The following NRXN1 variants were observed in gnomAD, a reference collection of about 807,000 sequenced individuals.
NRXN1 encodes the protein neurexin 1, also known as neurexin-1.
In NRXN1, 39 loss-of-function variants were observed where a neutral mutation model predicts 150.9. That is an observed-to-expected ratio of 0.26 (90% CI 0.20 to 0.34). The LOEUF is 0.34. NRXN1 is among the 10% of genes least tolerant of loss of function. NRXN1 has a pLI of 1.00. For synonymous variants in NRXN1, 924 were observed against 757.0 expected, an observed-to-expected ratio of 1.22 and a Z score of -3.62; for missense variants, 1,815 against 1,949.9, an observed-to-expected ratio of 0.93 and a Z score of 1.30.
intron 21 of NRXN1, 124 bp from the exon 22 acceptor site, chr2:49,943,915 T>C: frequency 1.3e-6 from 1 of 752,972 alleles, no homozygotes. Context: ...TTTCCCTTTC[T>C]AAAGACACAG....
intron 5 of NRXN1, among the ~76,000 whole-genome samples, chr2:50,739,726 T>C (rs1043540841): frequency 3.9e-5 from 6 of 152,200 alleles, no homozygotes; most frequent in Admixed American, 3.3e-4. Context: ...TTGTCTTCAT[T>C]ATTTTATAGG....
chr2:50,805,823 T>C (rs953771403), intron 5 of NRXN1, among the ~76,000 whole-genome samples: 2 of 152,188 alleles, frequency 1.3e-5, no homozygotes, highest in Admixed American at 6.5e-5. Context: ...TATAATCCCC[T>C]GATAGCTGGC....
chr2:50,654,354 T>C (rs1254820047), intron 5 of NRXN1, among the ~76,000 whole-genome samples: 5 of 152,006 alleles, frequency 3.3e-5, no homozygotes, highest in African/African-American at 4.8e-5. Flanking sequence ...ACAAAGGACA[T>C]GAAATCATCA....
chr2:50,717,286 G>T (rs1695988109), intron 5 of NRXN1, among the ~76,000 whole-genome samples: 2 of 151,832 alleles, frequency 1.3e-5, no homozygotes, highest in Admixed American at 1.3e-4. Flanking sequence ...ATTATCAAGG[G>T]AGGACTCAGA....
At chr2:50,449,163 A>G (rs527535640) in intron 17 of NRXN1, among the ~76,000 whole-genome samples, 1 of 152,308 alleles carries the variant, frequency 6.6e-6, no homozygotes, top group Admixed American at 6.5e-5. Context: ...TAGACGCAGG[A>G]ATGCAGGAAT....
chr2:50,600,016 C>T lies in NRXN1; in HGVS notation c.1320+20006G>A, dbSNP rs966411676. Among the ~76,000 whole-genome samples, 8 of 151,938 alleles carry T rather than the reference C, an allele frequency of 5.3e-5. No individual in the cohort carries two copies. In the South Asian group the frequency reaches 1.2e-3, roughly 24 times the overall value. On this transcript the variant is annotated intron_variant, in intron 8 of 22. Coordinates refer to ENST00000401669, the MANE Select transcript of NRXN1 (RefSeq NM_001330078.2). ...AGAAATTAATTATATATTAAACTAC[C>T]CAGAGTTCTAGATAAAATTAGGAAC...
In NRXN1 at chr2:50,295,227, G is replaced by T. The variant is rs550892123; in HGVS notation, c.3365-58257C>A. ...GAAACTTAAGTTTCAGTAAACTTTG[G>T]GTCAGCACTACAAAGAACATCTTTA... On this transcript the variant is annotated intron_variant, in intron 17 of 22. Transcript: ENST00000401669. 2.6e-5 allele frequency among the ~76,000 whole-genome samples: 4 copies of T among 152,138 alleles called. No homozygotes were observed. In the East Asian group the frequency reaches 7.7e-4, roughly 29 times the overall value.
At chr2:50,667,310 G>C (rs1234379151) in intron 5 of NRXN1, among the ~76,000 whole-genome samples, 1 of 151,880 alleles carries the variant, frequency 6.6e-6, no homozygotes, top group Non-Finnish European at 1.5e-5. Context: ...TAAAATAATA[G>C]AGGGCTTCTT....
intron 17 of NRXN1, among the ~76,000 whole-genome samples, chr2:50,394,190 G>C (rs2081917826): frequency 6.6e-6 from 1 of 151,798 alleles, no homozygotes; most frequent in Non-Finnish European, 1.5e-5. Flanking sequence ...ATTTCATCTT[G>C]TCCTGCGACT....
intron 16 of NRXN1, among the ~76,000 whole-genome samples, chr2:50,469,633 A>G (rs2089269124): frequency 6.6e-6 from 1 of 151,420 alleles, no homozygotes; most frequent in Admixed American, 6.6e-5. Flanking sequence ...CTGTACCTGT[A>G]ACAGGTAAAT....
At chr2:50,525,247 T>C (rs774626375) in intron 12 of NRXN1, among the ~76,000 whole-genome samples, 4 of 152,240 alleles carry the variant, frequency 2.6e-5, no homozygotes, top group Non-Finnish European at 5.9e-5. Flanking sequence ...CAATGATTTG[T>C]TAATATTTAG....
intron 21 of NRXN1, among the ~76,000 whole-genome samples, chr2:49,955,762 C>T (rs1047518367): frequency 6.6e-6 from 1 of 151,988 alleles, no homozygotes; most frequent in Non-Finnish European, 1.5e-5. Flanking sequence ...AATCTAACTA[C>T]AGGATGAAAG....
At chr2:50,156,753 C>A (rs2059045352) in intron 18 of NRXN1, among the ~76,000 whole-genome samples, 1 of 151,862 alleles carries the variant, frequency 6.6e-6, no homozygotes, top group Admixed American at 6.6e-5. Context: ...AAATCCTACC[C>A]TTTTCCTAAA....
chr2:50,555,629 T>C (rs1573530257), intron 8 of NRXN1, among the ~76,000 whole-genome samples: 1 of 152,204 alleles, frequency 6.6e-6, no homozygotes, highest in South Asian at 2.1e-4. Context: ...GCTCAATAAA[T>C]ATTTGTTTAT....
intron 17 of NRXN1, among the ~76,000 whole-genome samples, chr2:50,393,626 C>T (rs887517884): frequency 1.3e-5 from 2 of 152,072 alleles, no homozygotes; most frequent in African/African-American, 4.8e-5. Context: ...TTTATCATAA[C>T]AACTTCATTT....
At chr2:50,879,570 T>C (rs1679120181) in intron 5 of NRXN1, among the ~76,000 whole-genome samples, 1 of 151,864 alleles carries the variant, frequency 6.6e-6, no homozygotes, top group Admixed American at 6.6e-5. Context: ...GATGATGTAA[T>C]AGGTAGCACA....
chr2:50,443,825 A>G (rs373143523), intron 17 of NRXN1, among the ~76,000 whole-genome samples: 1 of 152,190 alleles, frequency 6.6e-6, no homozygotes, highest in Non-Finnish European at 1.5e-5. Flanking sequence ...CAGACTTTCA[A>G]TATACACTTT....
chr2:50,868,650 A>G (rs962138887), intron 5 of NRXN1, among the ~76,000 whole-genome samples: 5 of 151,894 alleles, frequency 3.3e-5, no homozygotes, highest in Admixed American at 6.6e-5. Flanking sequence ...TTGTTAAAGA[A>G]TTAAAATTAT....
At chr2:50,071,513 C>T (rs1696292742) in intron 19 of NRXN1, among the ~76,000 whole-genome samples, 1 of 152,100 alleles carries the variant, frequency 6.6e-6, no homozygotes, top group Admixed American at 6.5e-5. Context: ...GATGCACAGG[C>T]ATAGAGGAAG....
Sources: allele counts gnomAD v4.1 joint callset (sites outside exome capture counted in the v4.1 genomes callset), GRCh38; gene constraint gnomAD v4.1.1; transcripts MANE v1.5; gene names NCBI Gene and HGNC (gene_info 2026-07-23, HGNC 2026-07-21).